Variants in MORC1 observed in about 807,000 individuals in gnomAD.
MORC1 encodes MORC family CW-type zinc finger protein 1.
A neutral mutation model predicts 134.9 loss-of-function variants in MORC1; 59 were observed. That is an observed-to-expected ratio of 0.44 (90% CI 0.35 to 0.54). MORC1 has a LOEUF of 0.54. Ranked by LOEUF, MORC1 falls within the 20% of genes least tolerant of loss-of-function variation. The pLI is 0.00. For missense variants in MORC1, 947 were observed against 1,134.5 expected, an observed-to-expected ratio of 0.83 and a Z score of 2.37; for synonymous variants, 395 against 391.7, an observed-to-expected ratio of 1.01 and a Z score of -0.10.
chr3:109,042,377 C>G (rs972986704), intron 14 of MORC1, among the ~76,000 whole-genome samples: 2 of 152,122 alleles, frequency 1.3e-5, no homozygotes, highest in African/African-American at 4.8e-5. Flanking sequence ...ATTAAAACCA[C>G]AGGGAGATAT....
At chr3:109,051,253 T>A (rs1949819928) in intron 14 of MORC1, among the ~76,000 whole-genome samples, 1 of 152,208 alleles carries the variant, frequency 6.6e-6, no homozygotes, top group Admixed American at 6.5e-5. Flanking sequence ...ATTCGATTTT[T>A]ACAAGGACCC....
At chr3:109,016,139 C>T (rs538871913) in intron 17 of MORC1, among the ~76,000 whole-genome samples, 1 of 152,224 alleles carries the variant, frequency 6.6e-6, no homozygotes. Context: ...ATGAATTTTC[C>T]TCTTGTAGTG....
At chr3:109,068,910 C>A (rs140195869) in intron 9 of MORC1, among the ~76,000 whole-genome samples, 2 of 152,230 alleles carry the variant, frequency 1.3e-5, no homozygotes, top group East Asian at 1.9e-4. Flanking sequence ...AATCCCAGCA[C>A]TTTGGGAGGC....
intron 17 of MORC1, among the ~76,000 whole-genome samples, chr3:109,025,613 C>T (rs1245171269): frequency 1.3e-5 from 2 of 151,840 alleles, no homozygotes; most frequent in Non-Finnish European, 2.9e-5. Flanking sequence ...AAACTCCTGA[C>T]CTCAAGTGAT....
chr3:109,010,900 T>C (rs549268517), intron 17 of MORC1, among the ~76,000 whole-genome samples: 62 of 152,354 alleles, frequency 4.1e-4, no homozygotes, highest in African/African-American at 1.3e-3. Context: ...TCCTTTCGCC[T>C]TTTGATGGTC....
intron 17 of MORC1, among the ~76,000 whole-genome samples, chr3:109,022,462 T>C (rs1948982013): frequency 6.6e-6 from 1 of 152,252 alleles, no homozygotes; most frequent in East Asian, 1.9e-4. Flanking sequence ...TTCATTTCTG[T>C]CTGTATGTGT....
intron 8 of MORC1, among the ~76,000 whole-genome samples, chr3:109,080,537 T>C (rs1273059314): frequency 6.6e-6 from 1 of 152,140 alleles, no homozygotes; most frequent in East Asian, 1.9e-4. Flanking sequence ...CTGTATTTAA[T>C]TACTATGATA....
At chr3:109,087,835 G>A (rs966902785) in intron 8 of MORC1, among the ~76,000 whole-genome samples, 6 of 151,832 alleles carry the variant, frequency 4.0e-5, no homozygotes, top group Non-Finnish European at 8.8e-5. Flanking sequence ...TATACTAAAG[G>A]GGTACAGTAA....
intron 17 of MORC1, among the ~76,000 whole-genome samples, chr3:109,012,569 T>C (rs1482008192): frequency 6.6e-6 from 1 of 152,216 alleles, no homozygotes; most frequent in African/African-American, 2.4e-5. Context: ...TCTTCATTTA[T>C]GTGTTTTATT....
At chr3:109,079,416 A>T (rs1355363864) in intron 8 of MORC1, among the ~76,000 whole-genome samples, 1 of 152,152 alleles carries the variant, frequency 6.6e-6, no homozygotes, top group African/African-American at 2.4e-5. Flanking sequence ...TGTAGAATAC[A>T]GCTATTATGC....
chr3:109,115,494 C>T (rs576040401), intron 1 of MORC1, among the ~76,000 whole-genome samples: 1 of 152,052 alleles, frequency 6.6e-6, no homozygotes, highest in South Asian at 2.1e-4. Flanking sequence ...AAAAAGATGT[C>T]CTTCACCCAA....
chr3:109,044,739 G>A (rs1949644610), intron 14 of MORC1, among the ~76,000 whole-genome samples: 1 of 151,540 alleles, frequency 6.6e-6, no homozygotes, highest in East Asian at 2.0e-4. Flanking sequence ...AAGGTCAGGA[G>A]TTCAAGACCA....
chr3:109,107,861 A>G (rs955146397), intron 3 of MORC1, among the ~76,000 whole-genome samples: 15 of 152,226 alleles, frequency 9.9e-5, no homozygotes, highest in Admixed American at 9.2e-4. Context: ...AAACTGAACT[A>G]TAAGTTCAGT....
chr3:108,996,878 C>T (rs545648695), intron 21 of MORC1, among the ~76,000 whole-genome samples: 83 of 151,706 alleles, frequency 5.5e-4, no homozygotes, highest in Non-Finnish European at 8.7e-4. Context: ...GGCATGGTGG[C>T]GGGTGCCTGT....
chr3:108,995,653 T>C (rs1948181543), intron 21 of MORC1, among the ~76,000 whole-genome samples: 1 of 152,222 alleles, frequency 6.6e-6, no homozygotes, highest in Non-Finnish European at 1.5e-5. Context: ...GACTGGACTC[T>C]AGCTTGACTA....
intron 25 of MORC1, among the ~76,000 whole-genome samples, chr3:108,970,048 A>C (rs541169478): frequency 9.8e-5 from 15 of 152,292 alleles, no homozygotes; most frequent in Admixed American, 3.3e-4. Context: ...GCGCAGCTGG[A>C]GTCTGGGTTT....
chr3:109,106,015 T>G (rs2107791089), intron 3 of MORC1, among the ~76,000 whole-genome samples: 1 of 152,354 alleles, frequency 6.6e-6, no homozygotes, highest in East Asian at 1.9e-4. Flanking sequence ...CCTCACTGTT[T>G]AATGAGGGGA....
chr3:109,113,477 A>G (rs1951210344), intron 2 of MORC1, among the ~76,000 whole-genome samples: 1 of 152,202 alleles, frequency 6.6e-6, no homozygotes, highest in Admixed American at 6.5e-5. Context: ...AAAATGGGGA[A>G]CAAATGCAAA....
intron 17 of MORC1, among the ~76,000 whole-genome samples, chr3:109,023,264 C>A (rs9860684): frequency 1.2e-4 from 19 of 152,066 alleles, no homozygotes; most frequent in African/African-American, 4.6e-4. Flanking sequence ...AGCTCAGTAG[C>A]AGCACCATAC....
Sources: allele counts gnomAD v4.1 joint callset (sites outside exome capture counted in the v4.1 genomes callset), GRCh38; gene constraint gnomAD v4.1.1; transcripts MANE v1.5; gene names NCBI Gene and HGNC (gene_info 2026-07-23, HGNC 2026-07-21).